MORF4L1: variants seen among roughly 807,000 people sequenced by gnomAD.
MORF4L1 encodes mortality factor 4 like 1, also known as mortality factor 4-like protein 1.
In MORF4L1, 4 loss-of-function variants were observed where a neutral mutation model predicts 52.9. The observed-to-expected ratio is 0.08, with a 90% CI of 0.04 to 0.17. The LOEUF is 0.17. Ranked by LOEUF, MORF4L1 falls within the 10% of genes least tolerant of loss-of-function variation. The probability of loss-of-function intolerance (pLI) is 1.00; values close to 1 mark genes in which losing one functional copy is unlikely to be tolerated. For missense variants in MORF4L1, 214 were observed against 390.4 expected (o/e 0.55, Z 3.81); for synonymous variants, 123 against 134.8 (o/e 0.91, Z 0.61).
intron 1 of MORF4L1, chr15:78,876,664 C>T (rs2056498444): frequency 4.5e-6 from 2 of 445,672 alleles, no homozygotes; most frequent in South Asian, 3.1e-5. Context: ...TGATCTTGTT[C>T]GCTGTTTATT....
At position 78,874,834 on chromosome 15, in the gene MORF4L1, G is replaced by A. The variant is rs544454178; in HGVS notation, c.40+1777G>A. Among the ~76,000 whole-genome samples the A allele has an allele frequency of 8.4e-4, 102 of 121,726 alleles. 2 individuals are homozygous for A. Among genetic ancestry groups the A allele is most frequent in the Admixed American group, 2.3e-3 (28 of 12,178 alleles). 79.9% of individuals were successfully genotyped at this position (121,726 alleles called of 152,430 possible). On this transcript the variant is annotated intron_variant, in intron 1 of 11. Coordinates refer to ENST00000426013, the MANE Select transcript of MORF4L1 (RefSeq NM_006791.4). The stretch of plus-strand genomic sequence containing the variant: ...TTTTAGAGCAGATATTCTTAATCTA[G>A]AGTCAGTGCATTAATTGAGACGGTG...
At chr15:78,876,316 T>A (rs145272875) in intron 1 of MORF4L1, among the ~76,000 whole-genome samples, 9 of 152,164 alleles carry the variant, frequency 5.9e-5, no homozygotes, top group Non-Finnish European at 1.0e-4. Context: ...TTTTTTTTTA[T>A]TTGATAATGG....
chr15:78,888,267 C>A (rs2056740759), intron 5 of MORF4L1, among the ~76,000 whole-genome samples: 1 of 151,802 alleles, frequency 6.6e-6, no homozygotes, highest in Admixed American at 6.6e-5. Flanking sequence ...GAGTTTGAGA[C>A]CAACTTGGGC....
rs1596251915 is a variant in MORF4L1 at position 78,893,521 on chromosome 15, A to T, written c.541-18A>T. On this transcript the variant is annotated intron_variant, in intron 8 of 11. Transcript: ENST00000426013. ...AAAAAGAGAGTGCTTATATTTAAGC[A>T]TATTTTTGTCTTCATAGCTCTTTTA... 6.5e-7 allele frequency: 1 copy of T among 1,542,632 alleles called. No individual in the cohort carries two copies. Among genetic ancestry groups the T allele is most frequent in the Non-Finnish European group, 9.0e-7 (1 of 1,116,588 alleles).
At chr15:78,885,351 G>GA (rs908080275) in intron 3 of MORF4L1, among the ~76,000 whole-genome samples, 19 of 152,206 alleles carry the variant, frequency 1.2e-4, no homozygotes, top group African/African-American at 3.9e-4. Context: ...CATTTTGGGG[G>GA]AAAAAACACA....
chr15:78,876,889 A>G (rs762434510), intron 1 of MORF4L1, among the ~76,000 whole-genome samples: 6 of 152,152 alleles, frequency 3.9e-5, no homozygotes, highest in Middle Eastern at 3.2e-3. Context: ...GTCTAATAAT[A>G]TGGGTCTTTG....
chr15:78,878,611 C>T (rs1002635719), intron 2 of MORF4L1, among the ~76,000 whole-genome samples: 2 of 152,088 alleles, frequency 1.3e-5, no homozygotes, highest in African/African-American at 4.8e-5. Context: ...GCTGAGTAAG[C>T]ATTGAGCTAA....
At chr15:78,891,451 C>A in intron 6 of MORF4L1, 33 bp from the exon 7 acceptor site, 2 of 1,531,600 alleles carry the variant, frequency 1.3e-6, no homozygotes, top group Non-Finnish European at 1.8e-6. Flanking sequence ...GTTAAATTAG[C>A]TAAATGAGAC....
intron 5 of MORF4L1, chr15:78,890,782 T>C (rs1029655176): frequency 2.1e-5 from 8 of 380,380 alleles, no homozygotes; most frequent in African/African-American, 1.5e-4. Context: ...GCGCCTGGCT[T>C]GGTTTATTTT....
intron 5 of MORF4L1, among the ~76,000 whole-genome samples, chr15:78,889,954 G>C (rs1399102866): frequency 8.1e-6 from 1 of 123,558 alleles, no homozygotes; most frequent in Non-Finnish European, 1.6e-5. Context: ...GGCCAGGCAT[G>C]GTGGCACACG....
chr15:78,874,558 TTTG>T (rs1445129519), intron 1 of MORF4L1, among the ~76,000 whole-genome samples: 1 of 150,750 alleles, frequency 6.6e-6, no homozygotes, highest in Non-Finnish European at 1.5e-5. Flanking sequence ...TTTTAGGGTT[TTTG>T]TTTTTTCTTT....
At chr15:78,894,558 C>G (rs1285648783) in intron 10 of MORF4L1, 1 of 442,996 alleles carries the variant, frequency 2.3e-6, no homozygotes, top group Non-Finnish European at 4.1e-6. Context: ...CAGGTGTGCA[C>G]CACCACATCT....
intron 5 of MORF4L1, among the ~76,000 whole-genome samples, chr15:78,888,729 A>G (rs1223283452): frequency 6.6e-6 from 1 of 152,166 alleles, no homozygotes; most frequent in Admixed American, 6.5e-5. Flanking sequence ...TAAAAAAAGT[A>G]AGGTGTTACT....
At chr15:78,886,028 A>G (rs2056696991) in intron 3 of MORF4L1, 113 bp from the exon 4 acceptor site, 2 of 724,784 alleles carry the variant, frequency 2.8e-6, no homozygotes, top group Admixed American at 2.3e-5. Context: ...ATATATTTGT[A>G]GTGCCAGTTC....
rs562394557 is a variant in MORF4L1, at chr15:78,895,787, A to G, written c.887+883A>G. On this transcript the variant is annotated intron_variant, in intron 11 of 11. Coordinates refer to ENST00000426013, the MANE Select transcript of MORF4L1 (RefSeq NM_006791.4). ...GGAGTTTTCAGTTTCTACTTTGTAT[A>G]CTTCTGTATATGAATTTTCTCATTA... 3.6e-4 allele frequency among the ~76,000 whole-genome samples: 55 copies of G among 152,230 alleles called. No individual in the cohort carries two copies. The South Asian group carries it at 0.011, about 30-fold the overall frequency.
chr15:78,873,364 T>A (rs1233073102), intron 1 of MORF4L1: 3 of 577,002 alleles, frequency 5.2e-6, no homozygotes, highest in East Asian at 1.5e-4. Context: ...CAGCCTATTG[T>A]AGGGAGGCGA....
At position 78,873,076 on chromosome 15, in the gene MORF4L1, GA is replaced by G. The variant is rs772105839; in HGVS notation, c.40+24del. On this transcript the variant is annotated intron_variant, in intron 1 of 11. Coordinates refer to ENST00000426013, the MANE Select transcript of MORF4L1 (RefSeq NM_006791.4). ...CAGGAGGGTGAGTGTGCGCCTTTGG[GA>G]AAAAGGCACCTAACGGCGCAGGAGA... The G allele has an allele frequency of 3.9e-6, 6 of 1,550,280 alleles. No homozygotes were observed. Among genetic ancestry groups the G allele is most frequent in the East Asian group, 2.4e-5 (1 of 40,922 alleles).
At position 78,873,469 on chromosome 15, in the gene MORF4L1, C is replaced by CT. The variant is rs146899446; in HGVS notation, c.40+414dup. On this transcript the variant is annotated intron_variant, in intron 1 of 11. Transcript: ENST00000426013. ...GGCGGTCCTGCGGCGCGCCCGGCCG[C>CT]TTGGGCAGCTACGACGGGTTTTTCG... Among the ~76,000 whole-genome samples, 681 of 152,190 alleles carry CT rather than the reference C, an allele frequency of 4.5e-3. 2 individuals are homozygous for CT. Among genetic ancestry groups the CT allele is most frequent in the Non-Finnish European group, 7.3e-3 (494 of 68,012 alleles).
intron 11 of MORF4L1, among the ~76,000 whole-genome samples, chr15:78,896,551 G>T (rs1051154035): frequency 7.9e-5 from 12 of 151,786 alleles, no homozygotes; most frequent in Admixed American, 2.0e-4. Context: ...CAGGTGATCA[G>T]CTTGCCTTGG....
Sources: gnomAD v4.1 joint callset for allele counts (sites outside exome capture counted in the v4.1 genomes callset) on GRCh38, gnomAD v4.1.1 for gene constraint, MANE v1.5 for transcripts, NCBI Gene and HGNC (gene_info 2026-07-23, HGNC 2026-07-21) for gene names.